Variants in FAT3 observed in about 807,000 individuals in gnomAD.
The protein encoded by FAT3 is protocadherin Fat 3.
In FAT3, 95 loss-of-function variants were observed where a neutral mutation model predicts 310.2. The observed-to-expected ratio is 0.31, with a 90% CI of 0.26 to 0.36. The LOEUF (loss-of-function observed/expected upper bound fraction) is 0.36. Among genes scored for constraint, FAT3 ranks in the 10% least tolerant of loss-of-function variants. The pLI, the probability that FAT3 is intolerant of heterozygous loss-of-function variation, is 1.00. For synonymous variants in FAT3, 2,314 were observed against 2,192.9 expected (o/e 1.06, Z -1.54); for missense variants, 5,408 against 5,715.6 (o/e 0.95, Z 1.74).
chr11:92,664,307 G>A (rs1171615453), intron 3 of FAT3, among the ~76,000 whole-genome samples: 3 of 152,082 alleles, frequency 2.0e-5, no homozygotes, highest in African/African-American at 4.8e-5. Context: ...TACCATTTAG[G>A]CTTCTTCCAC....
At chr11:92,817,077 A>T (rs1383406232) in intron 13 of FAT3, among the ~76,000 whole-genome samples, 2 of 152,168 alleles carry the variant, frequency 1.3e-5, no homozygotes, top group African/African-American at 4.8e-5. Context: ...ATGCTAAGGA[A>T]ACCCACTGAG....
chr11:92,795,483 G>A lies in FAT3; in HGVS notation c.4823-2353G>A, dbSNP rs866615571. Among the ~76,000 whole-genome samples, 3 of 152,156 alleles carry A rather than the reference G, an allele frequency of 2.0e-5. No homozygotes were observed. In the South Asian group the frequency reaches 6.2e-4, roughly 32 times the overall value. On this transcript the variant is annotated intron_variant, in intron 9 of 27. Transcript: ENST00000525166. ...TAGCAGGAAAGAATAAGCAGGAAGT[G>A]GATTCCAAGAGAATGGGTCAGTGTG...
At chr11:92,818,460 T>C (rs1947879692) in intron 13 of FAT3, among the ~76,000 whole-genome samples, 1 of 152,062 alleles carries the variant, frequency 6.6e-6, no homozygotes, top group African/African-American at 2.4e-5. Flanking sequence ...GCAAACATCC[T>C]GCCATTTCTC....
intron 2 of FAT3, among the ~76,000 whole-genome samples, chr11:92,430,849 T>C (rs1375856535): frequency 6.6e-6 from 1 of 152,208 alleles, no homozygotes; most frequent in Admixed American, 6.5e-5. Flanking sequence ...CTCATCATTT[T>C]TTATGGCTGC....
At chr11:92,855,611 C>CA (rs1434809040) in intron 19 of FAT3, among the ~76,000 whole-genome samples, 1 of 152,180 alleles carries the variant, frequency 6.6e-6, no homozygotes, top group Non-Finnish European at 1.5e-5. Context: ...GAGATGGTCA[C>CA]ACAGGTGTTT....
Position 92,801,653 on chromosome 11 carries a change from C to A in FAT3, c.8640C>A (p.Asp2880Glu). The A allele has an allele frequency of 6.2e-7, 1 of 1,613,808 alleles. No homozygotes were observed. Among genetic ancestry groups the A allele is most frequent in the Non-Finnish European group, 8.5e-7 (1 of 1,179,826 alleles). ...SNTGWISTLK[D>E]LDHETDPTFT... Reference sequence around the variant, plus strand: ...CGGGCTGGATCAGTACCTTGAAGGACCTAGATCACGAGACAGACCCCACAT... The same window carrying A: ...CGGGCTGGATCAGTACCTTGAAGGAACTAGATCACGAGACAGACCCCACAT... The change falls in exon 10 of 28, where the codon GAC becomes GAA. Residue 2880 changes from aspartate to glutamate, a missense_variant. Asp to Glu is a conservative substitution (Grantham distance 45). Coordinates refer to ENST00000525166, the MANE Select transcript of FAT3 (RefSeq NM_001367949.2).
At chr11:92,321,771 C>T (rs1185191516) in intron 1 of FAT3, among the ~76,000 whole-genome samples, 1 of 152,098 alleles carries the variant, frequency 6.6e-6, no homozygotes, top group Non-Finnish European at 1.5e-5. Flanking sequence ...CTAATGGTAA[C>T]CCCAGACACA....
At chr11:92,563,614 G>A (rs180913514) in intron 3 of FAT3, among the ~76,000 whole-genome samples, 94 of 151,998 alleles carry the variant, frequency 6.2e-4, no homozygotes, top group Middle Eastern at 3.4e-3. Flanking sequence ...AATTTCTCTC[G>A]ACTTATCCTA....
At chr11:92,606,607 A>G (rs531439340) in intron 3 of FAT3, among the ~76,000 whole-genome samples, 15 of 152,310 alleles carry the variant, frequency 9.8e-5, no homozygotes, top group Non-Finnish European at 1.5e-4. Context: ...TCTCAGTGTC[A>G]GTCATTCTGC....
chr11:92,838,780 G>C (rs544040576), intron 17 of FAT3, among the ~76,000 whole-genome samples: 21 of 152,256 alleles, frequency 1.4e-4, no homozygotes, highest in African/African-American at 4.1e-4. Context: ...ACCATCCATA[G>C]CTGGCCTCCT....
intron 2 of FAT3, among the ~76,000 whole-genome samples, chr11:92,483,836 A>G (rs1215155670): frequency 6.6e-6 from 1 of 152,222 alleles, no homozygotes; most frequent in Non-Finnish European, 1.5e-5. Flanking sequence ...TTTATGTATT[A>G]AATTCTTCAA....
chr11:92,228,392 T>C (rs1590974891), intron 1 of FAT3, among the ~76,000 whole-genome samples: 1 of 152,160 alleles, frequency 6.6e-6, no homozygotes, highest in African/African-American at 2.4e-5. Context: ...ATGAAATGAG[T>C]AGCAATAAAC....
At chr11:92,572,361 A>C (rs1443923118) in intron 3 of FAT3, among the ~76,000 whole-genome samples, 1 of 152,184 alleles carries the variant, frequency 6.6e-6, no homozygotes, top group African/African-American at 2.4e-5. Flanking sequence ...GTCAGGATGA[A>C]ATGATAACCC....
At chr11:92,446,449 A>G (rs960440862) in intron 2 of FAT3, among the ~76,000 whole-genome samples, 6 of 152,116 alleles carry the variant, frequency 3.9e-5, no homozygotes, top group Non-Finnish European at 5.9e-5. Flanking sequence ...CAACTCCTCA[A>G]TGAGATACTT....
chr11:92,329,839 T>C (rs535274922), intron 1 of FAT3, among the ~76,000 whole-genome samples: 2 of 151,002 alleles, frequency 1.3e-5, no homozygotes, highest in South Asian at 4.2e-4. Flanking sequence ...AATCAATGAG[T>C]CAGAAACCTT....
intron 3 of FAT3, among the ~76,000 whole-genome samples, chr11:92,659,339 G>A (rs1203246267): frequency 1.3e-5 from 2 of 152,130 alleles, no homozygotes; most frequent in African/African-American, 4.8e-5. Context: ...AATAATACAG[G>A]TCCCCATTGT....
chr11:92,754,215 C>T (rs1251813385), intron 4 of FAT3, among the ~76,000 whole-genome samples: 1 of 152,062 alleles, frequency 6.6e-6, no homozygotes, highest in Non-Finnish European at 1.5e-5. Context: ...CATTTCCATG[C>T]TCATTGCAGC....
At chr11:92,578,984 G>A (rs1456822504) in intron 3 of FAT3, among the ~76,000 whole-genome samples, 3 of 152,132 alleles carry the variant, frequency 2.0e-5, no homozygotes, top group African/African-American at 7.2e-5. Flanking sequence ...TGACTGGAAT[G>A]GTATTACTTA....
chr11:92,631,971 G>A (rs1163776179), intron 3 of FAT3, among the ~76,000 whole-genome samples: 1 of 152,176 alleles, frequency 6.6e-6, no homozygotes, highest in Non-Finnish European at 1.5e-5. Context: ...GCTGTACAAT[G>A]TATAAAGAGC....
Sources: allele counts gnomAD v4.1 joint callset (sites outside exome capture counted in the v4.1 genomes callset), GRCh38; gene constraint gnomAD v4.1.1; transcripts MANE v1.5; gene names NCBI Gene and HGNC (gene_info 2026-07-23, HGNC 2026-07-21).